PCDHGB2: variants seen among roughly 807,000 people sequenced by gnomAD.
The protein encoded by PCDHGB2 is protocadherin gamma-B2.
Under a neutral mutation model 59.3 loss-of-function variants are expected in PCDHGB2, and 55 were observed. The ratio of observed to expected loss-of-function variants is 0.93; its 90% CI spans 0.75 to 1.16. The LOEUF (loss-of-function observed/expected upper bound fraction) is 1.16. Among genes scored for constraint, PCDHGB2 ranks in the 50% most tolerant of loss-of-function variants. The probability of loss-of-function intolerance (pLI) is 0.00; values close to 1 mark genes in which losing one functional copy is unlikely to be tolerated. For synonymous variants in PCDHGB2, 516 were observed against 512.0 expected, an observed-to-expected ratio of 1.01 and a Z score of -0.11; for missense variants, 1,228 against 1,198.5, an observed-to-expected ratio of 1.02 and a Z score of -0.36.
At position 141,477,115 on chromosome 5, in the gene PCDHGB2, A is replaced by T. The variant is rs1218111107; in HGVS notation, c.2422-17692A>T. On this transcript the variant is annotated intron_variant, in intron 1 of 3. Coordinates refer to ENST00000522605, the MANE Select transcript of PCDHGB2 (RefSeq NM_018923.3). The surrounding 1 kb of genome is among the most constrained non-coding windows in gnomAD (Gnocchi z 4.9). Reference sequence around the variant, plus strand: ...AAGACAAGGGCGCCAATCCCGAAGGAGCACATTGCAAAGTGTTGGTGGAGG... The same window carrying T: ...AAGACAAGGGCGCCAATCCCGAAGGTGCACATTGCAAAGTGTTGGTGGAGG... The T allele has an allele frequency of 6.2e-7, 1 of 1,614,230 alleles. No individual in the cohort carries two copies. Among genetic ancestry groups the T allele is most frequent in the Non-Finnish European group, 8.5e-7 (1 of 1,180,038 alleles).
intron 1 of PCDHGB2, among the ~76,000 whole-genome samples, chr5:141,483,393 C>T (rs1475344614): frequency 6.6e-6 from 1 of 152,080 alleles, no homozygotes; most frequent in Admixed American, 6.5e-5. Flanking sequence ...TTGATAAATG[C>T]TTGAACCAGC....
At chr5:141,441,398 G>A (rs1257981333) in intron 1 of PCDHGB2, 1 of 154,848 alleles carries the variant, frequency 6.5e-6, no homozygotes, top group Non-Finnish European at 1.4e-5. Context: ...TATAACATCA[G>A]CATCACTGCC....
At chr5:141,429,945 T>C (rs1443623730) in intron 1 of PCDHGB2, among the ~76,000 whole-genome samples, 1 of 152,222 alleles carries the variant, frequency 6.6e-6, no homozygotes, top group East Asian at 1.9e-4. Flanking sequence ...ACTTCCATTA[T>C]TTCCAGTCAA....
intron 1 of PCDHGB2, among the ~76,000 whole-genome samples, chr5:141,397,505 T>A (rs2093531906): frequency 6.6e-6 from 1 of 152,158 alleles, no homozygotes; most frequent in South Asian, 2.1e-4. Context: ...ATGATAAAAT[T>A]GTTTCCATAG....
chr5:141,390,523 G>T, intron 1 of PCDHGB2: 1 of 556,304 alleles, frequency 1.8e-6, no homozygotes, highest in South Asian at 2.2e-5. Context: ...AGCAATGAGG[G>T]TGTGGTTTTA....
chr5:141,416,306 G>A (rs1186519939), intron 1 of PCDHGB2: 1 of 152,186 alleles, frequency 6.6e-6, no homozygotes, highest in Non-Finnish European at 1.5e-5. Flanking sequence ...CTATGTGGAA[G>A]ATATAGCATT....
chr5:141,505,026 G>T (rs190826538), intron 2 of PCDHGB2, among the ~76,000 whole-genome samples: 1 of 152,198 alleles, frequency 6.6e-6, no homozygotes, highest in South Asian at 2.1e-4. Context: ...GCCTGGCACA[G>T]TGGCAGGTGC....
At chr5:141,398,550 A>G (rs1390355431) in intron 1 of PCDHGB2, 2 of 1,613,816 alleles carry the variant, frequency 1.2e-6, no homozygotes, top group Non-Finnish European at 1.7e-6. Context: ...TTGAGCTGCA[A>G]ATAAGTGAGT....
intron 1 of PCDHGB2, chr5:141,374,142 T>C (rs1270815703): frequency 6.2e-7 from 1 of 1,610,314 alleles, no homozygotes; most frequent in South Asian, 1.1e-5. Context: ...CTCACGCTCC[T>C]GGGGACGCTG....
chr5:141,377,582 T>A (rs1774132578), intron 1 of PCDHGB2: 1 of 150,722 alleles, frequency 6.6e-6, no homozygotes. Flanking sequence ...GGAGACAGAA[T>A]GAGACTTTTT....
chr5:141,365,766 C>A (rs6882138), intron 1 of PCDHGB2: 12 of 1,613,778 alleles, frequency 7.4e-6, no homozygotes, highest in Non-Finnish European at 9.3e-6. Flanking sequence ...GCCCATGACC[C>A]CGACAGCGGC....
intron 1 of PCDHGB2, chr5:141,413,173 A>G: frequency 6.2e-7 from 1 of 1,600,856 alleles, no homozygotes; most frequent in African/African-American, 1.3e-5. Context: ...TAACCAGACT[A>G]CAATGGCCGC....
chr5:141,478,409 G>A, intron 1 of PCDHGB2: 1 of 1,613,016 alleles, frequency 6.2e-7, no homozygotes, highest in South Asian at 1.1e-5. Flanking sequence ...TCTCACCACG[G>A]ACTCCCGCCG....
intron 1 of PCDHGB2, among the ~76,000 whole-genome samples, chr5:141,465,592 A>G (rs1485357197): frequency 6.6e-6 from 1 of 152,046 alleles, no homozygotes; most frequent in Non-Finnish European, 1.5e-5. Flanking sequence ...TAATAATCAG[A>G]TCTTATCACT....
At position 141,410,457 on chromosome 5, in the gene PCDHGB2, A is replaced by G. The variant is rs372920524; in HGVS notation, c.2421+47901A>G. 1.2e-6 allele frequency: 2 copies of G among 1,614,044 alleles called. No homozygotes were observed. ...AGTGAGGGGACTTTGCCTTATTCTTATAATCTGTGCATTGCACATACGGGT... is the reference window on the plus strand; with the variant it reads ...AGTGAGGGGACTTTGCCTTATTCTTGTAATCTGTGCATTGCACATACGGGT... On this transcript the variant is annotated intron_variant, in intron 1 of 3. Transcript: ENST00000522605.
Position 141,361,368 on chromosome 5 carries a change from C to T in PCDHGB2, c.1233C>T (p.Asp411=). The T allele has an allele frequency of 1.2e-6, 2 of 1,613,970 alleles. No individual in the cohort carries two copies. The highest frequency in any genetic ancestry group is 1.7e-6 in the Non-Finnish European group (2 of 1,179,898). ...AACTAGTGACAGACGGCGCTCTGGACCGGGAGGAGATCCCAGAATACAATC... is the reference window on the plus strand; with the variant it reads ...AACTAGTGACAGACGGCGCTCTGGATCGGGAGGAGATCCCAGAATACAATC... ...YYKLVTDGAL[D]REEIPEYNLT... Residue 411 remains aspartate, a synonymous_variant, in exon 1 of 4, where the codon GAC becomes GAT. Transcript: ENST00000522605.
At position 141,361,007 on chromosome 5, in the gene PCDHGB2, T is replaced by A. The variant is rs1437909553; in HGVS notation, c.872T>A (p.Phe291Tyr). 2 of 1,613,400 alleles carry A rather than the reference T, an allele frequency of 1.2e-6. No individual in the cohort carries two copies. Among genetic ancestry groups the A allele is most frequent in the Non-Finnish European group, 1.7e-6 (2 of 1,179,556 alleles). Residue 291 changes from phenylalanine (F) to tyrosine (Y), a missense_variant, in exon 1 of 4, where the codon TTT becomes TAT. This residue lies in a region of PCDHGB2 where 781 missense variants were observed against 721.6 expected (regional missense o/e 1.08). Transcript: ENST00000522605. ...AATGTGGACGAACAAGTGAAACACT[T>A]TTTCAACTTAAATGAAAAAACAGGA... is the stretch of plus-strand genomic sequence containing the variant. The part of the protein sequence containing the change: ...FHNVDEQVKH[F>Y]FNLNEKTGEI...
At chr5:141,428,174 G>A (rs962782246) in intron 1 of PCDHGB2, 3 of 1,515,246 alleles carry the variant, frequency 2.0e-6, no homozygotes, top group Non-Finnish European at 2.7e-6. Context: ...TGTGCGTGAC[G>A]GAGGACAGCC....
At chr5:141,385,399 G>A in intron 1 of PCDHGB2, 1 of 1,492,926 alleles carries the variant, frequency 6.7e-7, no homozygotes, top group Non-Finnish European at 8.9e-7. Flanking sequence ...CAAAACAAAT[G>A]TTTTGAAAAT....
Sources: gnomAD v4.1 joint callset for allele counts (sites outside exome capture counted in the v4.1 genomes callset) on GRCh38, gnomAD v4.1.1 for gene constraint, gnomAD v4.1.1 regional missense constraint, Gnocchi (gnomAD v3.1) non-coding constraint, MANE v1.5 for transcripts, NCBI Gene and HGNC (gene_info 2026-07-23, HGNC 2026-07-21) for gene names.